Variants in KCNN2 observed in about 807,000 individuals in gnomAD.
The protein encoded by KCNN2 is potassium calcium-activated channel subfamily N member 2.
A neutral mutation model predicts 55.5 loss-of-function variants in KCNN2; 24 were observed. That is an observed-to-expected ratio of 0.43 (90% CI 0.31 to 0.61). The LOEUF (loss-of-function observed/expected upper bound fraction) is 0.61, where lower values mean the gene tolerates loss of function less well. KCNN2 is among the 20% of genes least tolerant of loss of function. The probability of loss-of-function intolerance (pLI) is 0.08; values close to 1 mark genes in which losing one functional copy is unlikely to be tolerated. For missense variants in KCNN2, 754 were observed against 853.6 expected, an observed-to-expected ratio of 0.88 and a Z score of 1.45; for synonymous variants, 431 against 336.1, an observed-to-expected ratio of 1.28 and a Z score of -3.09.
At chr5:114,163,087 C>T (rs548182760) in intron 1 of KCNN2, among the ~76,000 whole-genome samples, 2 of 152,258 alleles carry the variant, frequency 1.3e-5, no homozygotes, top group Non-Finnish European at 2.9e-5. Flanking sequence ...CCGTCTTCTG[C>T]GTCGCTCAGG....
At chr5:114,066,909 A>G (rs1028210276) in intron 1 of KCNN2, among the ~76,000 whole-genome samples, 4 of 152,168 alleles carry the variant, frequency 2.6e-5, no homozygotes, top group African/African-American at 9.7e-5. Flanking sequence ...TCACATGACT[A>G]TCTGTAAATG....
intron 3 of KCNN2, 89 bp from the exon 4 acceptor site, chr5:114,462,960 C>G: frequency 4.1e-6 from 5 of 1,219,622 alleles, no homozygotes; most frequent in Non-Finnish European, 5.8e-6. Context: ...ATAGAAGATA[C>G]AGTAAATTCG....
Position 114,125,116 on chromosome 5 carries a change from G to C in KCNN2, c.-271+68616G>C, listed in dbSNP as rs1222035311. 2.0e-5 allele frequency among the ~76,000 whole-genome samples: 3 copies of C among 152,236 alleles called. No homozygotes were observed. The East Asian group carries it at 5.8e-4, about 29-fold the overall frequency. ...GTTACCTAAAATTTTGCTCTAATTT[G>C]TATATATTGGAGAAATCGTGTTATA... On this transcript the variant is annotated intron_variant, in intron 1 of 10. Coordinates refer to the KCNN2 transcript ENST00000512097.
chr5:114,164,631 G>A (rs1455621808), intron 1 of KCNN2, among the ~76,000 whole-genome samples: 1 of 151,994 alleles, frequency 6.6e-6, no homozygotes, highest in Non-Finnish European at 1.5e-5. Flanking sequence ...CCTAAGGAAG[G>A]GCCAGAATGT....
intron 1 of KCNN2, among the ~76,000 whole-genome samples, chr5:114,136,377 G>T (rs544405101): frequency 2.0e-5 from 3 of 152,170 alleles, no homozygotes; most frequent in African/African-American, 7.2e-5. Flanking sequence ...AGAGGGCTTT[G>T]CCAGATGCTT....
intron 2 of KCNN2, among the ~76,000 whole-genome samples, chr5:114,271,498 A>G (rs1457708078): frequency 6.6e-6 from 1 of 152,232 alleles, no homozygotes; most frequent in Non-Finnish European, 1.5e-5. Context: ...AGAAAAGCAC[A>G]AAGAAGAAAG....
intron 1 of KCNN2, among the ~76,000 whole-genome samples, chr5:114,086,040 G>A (rs75604905): frequency 0.047 from 7,155 of 152,116 alleles, 269 homozygotes; most frequent in East Asian, 0.12. Flanking sequence ...TATTAGTATA[G>A]CAACTACAGC....
intron 2 of KCNN2, among the ~76,000 whole-genome samples, chr5:114,337,276 G>C (rs1265396393): frequency 1.3e-5 from 2 of 152,162 alleles, no homozygotes; most frequent in Admixed American, 6.5e-5. Flanking sequence ...AGAAAATTTA[G>C]GAGGTGGGTC....
chr5:114,445,590 A>C (rs1173694042), intron 3 of KCNN2, among the ~76,000 whole-genome samples: 2 of 152,366 alleles, frequency 1.3e-5, no homozygotes, highest in African/African-American at 4.8e-5. Flanking sequence ...GCATCTGTTT[A>C]AAAATGTTTG....
intron 2 of KCNN2, among the ~76,000 whole-genome samples, chr5:114,379,026 T>C (rs1339460667): frequency 6.6e-6 from 1 of 152,114 alleles, no homozygotes; most frequent in Non-Finnish European, 1.5e-5. Flanking sequence ...CAAATAATCT[T>C]CTCCATTCTG....
At chr5:114,089,611 G>C (rs538705755) in intron 1 of KCNN2, among the ~76,000 whole-genome samples, 3 of 152,166 alleles carry the variant, frequency 2.0e-5, no homozygotes, top group Non-Finnish European at 2.9e-5. Context: ...GCCAATTCCA[G>C]CTGCCTGTGC....
At position 114,160,715 on chromosome 5, in the gene KCNN2, T is replaced by G. The variant is rs528124114; in HGVS notation, c.-270-60765T>G. Among the ~76,000 whole-genome samples, 430 of 152,320 alleles carry G rather than the reference T, an allele frequency of 2.8e-3. 1 individual carries two copies. The highest frequency in any genetic ancestry group is 9.9e-3 in the African/African-American group (413 of 41,560). The stretch of plus-strand genomic sequence containing the variant: ...GTATTGGGTGCATATATATTTAGGA[T>G]AGTTAGTTCTTCTTGCTGAATTGAT... On this transcript the variant is annotated intron_variant, in intron 1 of 10. Transcript: ENST00000512097.
chr5:114,436,416 A>G (rs1760005991), intron 3 of KCNN2, among the ~76,000 whole-genome samples: 1 of 152,202 alleles, frequency 6.6e-6, no homozygotes, highest in South Asian at 2.1e-4. Context: ...AAATGATCGT[A>G]AAATTAGAGC....
intron 2 of KCNN2, among the ~76,000 whole-genome samples, chr5:114,264,352 G>A (rs1042735587): frequency 3.3e-5 from 5 of 151,804 alleles, no homozygotes; most frequent in Admixed American, 6.6e-5. Flanking sequence ...TCCTTCCATG[G>A]CATTCTGCTT....
chr5:114,127,099 T>G (rs1268573241), intron 1 of KCNN2, among the ~76,000 whole-genome samples: 1 of 152,178 alleles, frequency 6.6e-6, no homozygotes, highest in African/African-American at 2.4e-5. Flanking sequence ...GAGCTGGCAT[T>G]GAGCGTCTGA....
At chr5:114,140,590 A>G (rs1003279661) in intron 1 of KCNN2, among the ~76,000 whole-genome samples, 3 of 152,144 alleles carry the variant, frequency 2.0e-5, no homozygotes, top group South Asian at 2.1e-4. Context: ...TGAAGAGAAA[A>G]ATTTTTATAC....
chr5:114,478,168 C>T (rs960628934), intron 5 of KCNN2, among the ~76,000 whole-genome samples: 1 of 152,146 alleles, frequency 6.6e-6, no homozygotes, highest in Non-Finnish European at 1.5e-5. Flanking sequence ...CACCCTGGTG[C>T]ATTCCCCTTG....
At chr5:114,141,840 G>A (rs1283908428) in intron 1 of KCNN2, among the ~76,000 whole-genome samples, 1 of 152,120 alleles carries the variant, frequency 6.6e-6, no homozygotes, top group Non-Finnish European at 1.5e-5. Flanking sequence ...GTGTGAGATG[G>A]TATCTCATTG....
At chr5:114,477,179 T>C (rs768130765) in intron 5 of KCNN2, among the ~76,000 whole-genome samples, 1 of 152,142 alleles carries the variant, frequency 6.6e-6, no homozygotes, top group Non-Finnish European at 1.5e-5. Flanking sequence ...ACAGGAGTAA[T>C]AGTCACAGAT....
Sources: allele counts gnomAD v4.1 joint callset (sites outside exome capture counted in the v4.1 genomes callset), GRCh38; gene constraint gnomAD v4.1.1; transcripts MANE v1.5; gene names NCBI Gene and HGNC (gene_info 2026-07-23, HGNC 2026-07-21).